Variants in ZFAT observed in about 807,000 individuals in gnomAD.
ZFAT encodes the protein zinc finger protein ZFAT.
In ZFAT, 64 loss-of-function variants were observed where a neutral mutation model predicts 117.7. The ratio of observed to expected loss-of-function variants is 0.54; its 90% confidence interval spans 0.44 to 0.67. ZFAT has a LOEUF of 0.67. ZFAT is among the 30% of genes least tolerant of loss of function. ZFAT has a pLI of 0.00. For synonymous variants in ZFAT, 679 were observed against 615.0 expected (o/e 1.10, Z -1.54); for missense variants, 1,433 against 1,584.5 (o/e 0.90, Z 1.62).
At chr8:134,766,189 T>C in the ZFAT span, 1 of 152,128 alleles carries the variant, frequency 6.6e-6, no homozygotes, top group African/African-American at 2.4e-5. Context: ...ACCAAAAGAG[T>C]TGGGAAAAAT....
intron 2 of ZFAT, among the ~76,000 whole-genome samples, chr8:134,640,558 T>C (rs1265020847): frequency 6.6e-6 from 1 of 152,158 alleles, no homozygotes; most frequent in Non-Finnish European, 1.5e-5. Context: ...TGATTACTTT[T>C]TATCCCCCTC....
chr8:134,769,943 G>A, the ZFAT span, among the ~76,000 whole-genome samples: 4 of 152,224 alleles, frequency 2.6e-5, no homozygotes, highest in African/African-American at 7.2e-5. Flanking sequence ...TTTCAGCCAC[G>A]GTTGGAGCAG....
chr8:134,555,355 T>A (rs1275549666), intron 11 of ZFAT, among the ~76,000 whole-genome samples: 1 of 152,226 alleles, frequency 6.6e-6, no homozygotes, highest in African/African-American at 2.4e-5. Context: ...TCAGCATAAA[T>A]CGCATTGTTT....
In ZFAT at chr8:134,578,606, A is replaced by G. The variant is rs1178651698; in HGVS notation, c.2887+5226T>C. 2.0e-5 allele frequency among the ~76,000 whole-genome samples: 3 copies of G among 152,108 alleles called. No homozygotes were observed. In the South Asian group the frequency reaches 6.2e-4, roughly 32 times the overall value. ...ATGGCACGACCTGGCCTTTGTTTCC[A>G]CAGGATCACTGGCTGTTCTGTTGAG... On this transcript the variant is annotated intron_variant, in intron 10 of 15. Coordinates refer to ENST00000377838, the MANE Select transcript of ZFAT (RefSeq NM_020863.4).
intron 10 of ZFAT, among the ~76,000 whole-genome samples, chr8:134,570,750 G>A (rs75069594): frequency 0.02 from 3,117 of 152,178 alleles, 120 homozygotes; most frequent in African/African-American, 0.071. Flanking sequence ...GTGATATGTC[G>A]TCATACCCAC....
At chr8:134,698,923 A>G (rs1246840105) in intron 1 of ZFAT, among the ~76,000 whole-genome samples, 1 of 152,260 alleles carries the variant, frequency 6.6e-6, no homozygotes, top group Admixed American at 6.5e-5. Flanking sequence ...AAAGGAGATT[A>G]AAAAGGAAAA....
the ZFAT span, among the ~76,000 whole-genome samples, chr8:134,791,050 C>T: frequency 5.9e-5 from 9 of 152,110 alleles, no homozygotes; most frequent in South Asian, 2.1e-4. Context: ...CAATTCTTTC[C>T]CCTAATGACT....
intron 1 of ZFAT, among the ~76,000 whole-genome samples, chr8:134,664,196 G>T (rs1425203405): frequency 2.0e-5 from 3 of 151,408 alleles, no homozygotes; most frequent in Non-Finnish European, 4.4e-5. Context: ...GCCAGCCCAT[G>T]ATCCCCACTC....
intron 10 of ZFAT, among the ~76,000 whole-genome samples, chr8:134,581,996 A>C (rs547817677): frequency 2.5e-4 from 38 of 151,938 alleles, no homozygotes; most frequent in Middle Eastern, 3.4e-3. Flanking sequence ...AAAGAGAAAC[A>C]ATACAAATTC....
At chr8:134,588,551 C>G (rs2277140) in intron 8 of ZFAT, among the ~76,000 whole-genome samples, 156 bp from the exon 9 acceptor site, 14,151 of 152,212 alleles carry the variant, frequency 0.093, 981 homozygotes, top group East Asian at 0.37. Flanking sequence ...AAACCAGAAC[C>G]AAATCGAGTC....
At chr8:134,519,508 G>C (rs1412848837) in intron 13 of ZFAT, among the ~76,000 whole-genome samples, 1 of 152,174 alleles carries the variant, frequency 6.6e-6, no homozygotes, top group Non-Finnish European at 1.5e-5. Context: ...ATATGTGCAG[G>C]TGTACATGTA....
Position 134,669,013 on chromosome 8 carries a change from T to A in ZFAT, c.20-11276A>T, listed in dbSNP as rs140884440. Among the ~76,000 whole-genome samples, 706 of 152,096 alleles carry A rather than the reference T, an allele frequency of 4.6e-3. 48 individuals are homozygous for A. The East Asian group carries it at 0.12, about 26-fold the overall frequency. On this transcript the variant is annotated intron_variant, in intron 1 of 15. Transcript: ENST00000377838. ...AAGAAAGAGTATCAGTGATTGAAGA[T>A]CAAATGAATGAAATGAAGTGAGAAG...
At chr8:134,539,619 A>G (rs952315007) in intron 11 of ZFAT, among the ~76,000 whole-genome samples, 10 of 152,248 alleles carry the variant, frequency 6.6e-5, no homozygotes, top group Non-Finnish European at 1.3e-4. Context: ...GAAGGAGACT[A>G]ACCACCCGTC....
intron 13 of ZFAT, among the ~76,000 whole-genome samples, chr8:134,514,999 C>G (rs1820151912): frequency 6.6e-6 from 1 of 152,168 alleles, no homozygotes; most frequent in Non-Finnish European, 1.5e-5. Flanking sequence ...TGACGTTCCC[C>G]TCCCTGTGTC....
intron 10 of ZFAT, among the ~76,000 whole-genome samples, chr8:134,567,494 T>G (rs1203660371): frequency 6.7e-6 from 1 of 149,960 alleles, no homozygotes; most frequent in African/African-American, 2.5e-5. Context: ...CATCCATCCA[T>G]CCATCAACCA....
chr8:134,494,100 A>G (rs1586576789), intron 15 of ZFAT, among the ~76,000 whole-genome samples: 1 of 152,012 alleles, frequency 6.6e-6, no homozygotes, highest in East Asian at 1.9e-4. Context: ...TGGCAGCTCT[A>G]CAGCATTGCC....
chr8:134,796,918 A>C, the ZFAT span: 176 of 152,326 alleles, frequency 1.2e-3, no homozygotes, highest in African/African-American at 4.1e-3. Context: ...CTGCACATCT[A>C]ATCATGACAT....
At chr8:134,823,690 C>T in the ZFAT span, among the ~76,000 whole-genome samples, 2 of 152,268 alleles carry the variant, frequency 1.3e-5, no homozygotes, top group Non-Finnish European at 2.9e-5. Flanking sequence ...TTAAGTCTAT[C>T]AGCTTTAATC....
intron 3 of ZFAT, among the ~76,000 whole-genome samples, chr8:134,625,149 G>T (rs898756414): frequency 6.6e-6 from 1 of 152,272 alleles, no homozygotes; most frequent in East Asian, 1.9e-4. Context: ...AGGCTTTCTC[G>T]CATCCTCCTA....
Sources: allele counts gnomAD v4.1 joint callset (sites outside exome capture counted in the v4.1 genomes callset), GRCh38; gene constraint gnomAD v4.1.1; transcripts MANE v1.5; gene names NCBI Gene and HGNC (gene_info 2026-07-23, HGNC 2026-07-21).